SHISA9: variants seen among roughly 807,000 people sequenced by gnomAD.
SHISA9 encodes shisa family member 9.
SHISA9 carries 13 observed loss-of-function variants against 38.0 expected under a neutral mutation model. The ratio of observed to expected loss-of-function variants is 0.34; its 90% confidence interval spans 0.22 to 0.54. The LOEUF (loss-of-function observed/expected upper bound fraction) is 0.54. Among genes scored for constraint, SHISA9 ranks in the 20% least tolerant of loss-of-function variants. SHISA9 has a pLI of 0.91. For synonymous variants in SHISA9, 275 were observed against 242.0 expected (o/e 1.14, Z -1.27); for missense variants, 538 against 575.8 (o/e 0.93, Z 0.67).
At chr16:13,042,129 C>T (rs2073138915) in intron 2 of SHISA9, among the ~76,000 whole-genome samples, 2 of 152,114 alleles carry the variant, frequency 1.3e-5, no homozygotes, top group African/African-American at 4.8e-5. Context: ...GGATTATTGC[C>T]AAGCTGTTCC....
At chr16:13,491,818 CTTTTTTTTTTTTTTTTTTT>C in the SHISA9 span, among the ~76,000 whole-genome samples, 21 of 44,552 alleles carry the variant, frequency 4.7e-4, no homozygotes, top group Admixed American at 5.7e-4. Context: ...ATTTATTGAC[CTTTTTTTTTTTTTTTTTTT>C]TTTTTTTTTT....
intron 2 of SHISA9, among the ~76,000 whole-genome samples, chr16:13,180,561 G>T (rs950316923): frequency 3.9e-5 from 6 of 152,116 alleles, no homozygotes; most frequent in African/African-American, 1.4e-4. Context: ...AGCTGGGCAG[G>T]GTGGCATGCA....
chr16:13,076,483 C>A (rs2073584264), intron 2 of SHISA9, among the ~76,000 whole-genome samples: 1 of 152,178 alleles, frequency 6.6e-6, no homozygotes, highest in Non-Finnish European at 1.5e-5. Flanking sequence ...CTGCTCCCTC[C>A]TTTCCCCCAC....
chr16:13,312,624 A>T, the SHISA9 span, among the ~76,000 whole-genome samples: 1 of 152,206 alleles, frequency 6.6e-6, no homozygotes, highest in Non-Finnish European at 1.5e-5. Context: ...AGACAAGGAA[A>T]ATCAAATATA....
chr16:13,060,346 G>C (rs2073359704), intron 2 of SHISA9, among the ~76,000 whole-genome samples: 1 of 152,112 alleles, frequency 6.6e-6, no homozygotes, highest in Non-Finnish European at 1.5e-5. Flanking sequence ...GAGCAGACTG[G>C]GATGAAATTC....
chr16:13,164,176 GAA>G (rs1280465481), intron 2 of SHISA9, among the ~76,000 whole-genome samples: 2 of 151,932 alleles, frequency 1.3e-5, no homozygotes, highest in Non-Finnish European at 2.9e-5. Context: ...CTAGTTTGCT[GAA>G]AGTTTTTTTA....
At chr16:13,360,435 C>T in the SHISA9 span, among the ~76,000 whole-genome samples, 35 of 152,210 alleles carry the variant, frequency 2.3e-4, no homozygotes, top group South Asian at 4.6e-3. Context: ...ATCATGGGGG[C>T]GGTTTCCCCC....
At chr16:13,334,642 C>T in the SHISA9 span, among the ~76,000 whole-genome samples, 9 of 151,678 alleles carry the variant, frequency 5.9e-5, no homozygotes, top group East Asian at 3.9e-4. Flanking sequence ...GGCGTGGTGG[C>T]GGGCGCCTGT....
chr16:13,176,790 G>C (rs192999345), intron 2 of SHISA9, among the ~76,000 whole-genome samples: 1 of 152,216 alleles, frequency 6.6e-6, no homozygotes, highest in African/African-American at 2.4e-5. Context: ...AGGGTGGGCC[G>C]AAGCTCAAGA....
chr16:13,199,786 T>C lies in SHISA9; in HGVS notation c.692-3608T>C, dbSNP rs182653619. Among the ~76,000 whole-genome samples the C allele has an allele frequency of 2.1e-3, 323 of 152,180 alleles. 1 individual carries two copies. Among genetic ancestry groups the C allele is most frequent in the African/African-American group, 7.2e-3 (300 of 41,524 alleles). ...CAATCATCATTATAAGAAGGAGGTATTGGGATTGGTTTGATTCAGGCTCCA... is the reference window on the plus strand; with the variant it reads ...CAATCATCATTATAAGAAGGAGGTACTGGGATTGGTTTGATTCAGGCTCCA... On this transcript the variant is annotated intron_variant, in intron 2 of 4. Coordinates refer to ENST00000558583, the MANE Select transcript of SHISA9 (RefSeq NM_001145204.3).
the SHISA9 span, among the ~76,000 whole-genome samples, chr16:13,560,324 CT>C: frequency 6.6e-6 from 1 of 152,196 alleles, no homozygotes; most frequent in South Asian, 2.1e-4. Context: ...GTGGTCACCC[CT>C]GAACCAATCA....
intron 2 of SHISA9, among the ~76,000 whole-genome samples, chr16:12,918,917 G>T (rs2071292865): frequency 6.6e-6 from 1 of 152,152 alleles, no homozygotes; most frequent in South Asian, 2.1e-4. Context: ...TAAGAAGAAT[G>T]TGACCTTTTC....
chr16:13,283,360 A>T, the SHISA9 span, among the ~76,000 whole-genome samples: 1 of 152,070 alleles, frequency 6.6e-6, no homozygotes, highest in Non-Finnish European at 1.5e-5. Context: ...ACTCTAGTGT[A>T]TTAATCTGTT....
At chr16:12,948,447 G>C (rs1956792895) in intron 2 of SHISA9, among the ~76,000 whole-genome samples, 1 of 152,172 alleles carries the variant, frequency 6.6e-6, no homozygotes, top group Admixed American at 6.5e-5. Context: ...ACAACATTGT[G>C]GTGTATTTCT....
intron 2 of SHISA9, among the ~76,000 whole-genome samples, chr16:13,103,540 T>A (rs961872125): frequency 6.6e-6 from 1 of 152,158 alleles, no homozygotes; most frequent in South Asian, 2.1e-4. Flanking sequence ...TCAGCTCAGC[T>A]CTTGAACACA....
intron 4 of SHISA9, among the ~76,000 whole-genome samples, chr16:13,220,729 C>T (rs1054365380): frequency 2.0e-5 from 3 of 152,198 alleles, no homozygotes; most frequent in African/African-American, 4.8e-5. Context: ...GATGCAGTTC[C>T]ATCCAGAACC....
At chr16:13,413,382 A>C in the SHISA9 span, among the ~76,000 whole-genome samples, 1 of 152,224 alleles carries the variant, frequency 6.6e-6, no homozygotes, top group South Asian at 2.1e-4. Context: ...CTTAAAAACA[A>C]GGAATTTCCA....
At chr16:13,434,393 C>G in the SHISA9 span, among the ~76,000 whole-genome samples, 1 of 146,950 alleles carries the variant, frequency 6.8e-6, no homozygotes, top group African/African-American at 2.5e-5. Flanking sequence ...TCAATATTAA[C>G]CATCACACTG....
chr16:13,137,124 GAAGTC>G (rs2050356618), intron 2 of SHISA9, among the ~76,000 whole-genome samples: 1 of 152,168 alleles, frequency 6.6e-6, no homozygotes, highest in African/African-American at 2.4e-5. Context: ...CAGCTTGTGA[GAAGTC>G]AAGTCCAGTT....
Sources: allele counts gnomAD v4.1 joint callset (sites outside exome capture counted in the v4.1 genomes callset), GRCh38; gene constraint gnomAD v4.1.1; transcripts MANE v1.5; gene names NCBI Gene and HGNC (gene_info 2026-07-23, HGNC 2026-07-21).